The following POLK variants were observed in gnomAD, a reference collection of about 807,000 sequenced individuals.
The protein encoded by POLK is DNA polymerase kappa.
In POLK, 76 loss-of-function variants were observed where a neutral mutation model predicts 94.0. That is an observed-to-expected ratio of 0.81 (90% CI 0.67 to 0.98). The LOEUF (loss-of-function observed/expected upper bound fraction) is 0.98, where lower values mean the gene tolerates loss of function less well. Among genes scored for constraint, POLK ranks in the 50% least tolerant of loss-of-function variants. The pLI, the probability that POLK is intolerant of heterozygous loss-of-function variation, is 0.00. For synonymous variants in POLK, 349 were observed against 325.4 expected (o/e 1.07, Z -0.78); for missense variants, 954 against 1,010.1 (o/e 0.94, Z 0.75).
intron 3 of POLK, among the ~76,000 whole-genome samples, chr5:75,557,105 A>G (rs1234205956): frequency 2.0e-5 from 3 of 152,176 alleles, no homozygotes; most frequent in Non-Finnish European, 2.9e-5. Context: ...CATTTTATTG[A>G]GTCATTGCTC....
rs1772170382 is a variant in POLK, at chr5:75,581,105, A to C, written c.695-104A>C. The C allele has an allele frequency of 4.1e-6, 3 of 729,124 alleles. No homozygotes were observed. In the African/African-American group the frequency reaches 5.3e-5, roughly 13 times the overall value. 45.2% of individuals were successfully genotyped at this position (729,124 alleles called of 1,614,324 possible). ...TCTTGGATCCTAGAAACTAAACTAA[A>C]CTAGATTTTTGTTTTTGTCTTCAGA... On this transcript the variant is annotated intron_variant, in intron 6 of 14. Transcript: ENST00000241436.
At chr5:75,607,932 G>A in the POLK span, among the ~76,000 whole-genome samples, 9 of 152,284 alleles carry the variant, frequency 5.9e-5, no homozygotes, top group South Asian at 4.1e-4. Context: ...GGGAGAAATC[G>A]TCTGGTAGAG....
the POLK span, among the ~76,000 whole-genome samples, chr5:75,608,448 G>C: frequency 6.6e-6 from 1 of 152,080 alleles, no homozygotes; most frequent in Non-Finnish European, 1.5e-5. Flanking sequence ...TCCCACTTCG[G>C]CCTCTCAAAT....
At chr5:75,585,204 C>CT (rs1772402722) in intron 9 of POLK, among the ~76,000 whole-genome samples, 1 of 152,070 alleles carries the variant, frequency 6.6e-6, no homozygotes, top group Admixed American at 6.6e-5. Flanking sequence ...TGTTCAGAAC[C>CT]TAAGAGAAAT....
At position 75,536,692 on chromosome 5, in the gene POLK, C is replaced by T. The variant is rs555838796; in HGVS notation, c.-13-10318C>T. ...GCTGAGTTGCCATAGAAGCAGGACCCCTGGGCCGGAAGCTCTAGCATGTGT... is the reference window on the plus strand; with the variant it reads ...GCTGAGTTGCCATAGAAGCAGGACCTCTGGGCCGGAAGCTCTAGCATGTGT... On this transcript the variant is annotated intron_variant, in intron 1 of 14. Transcript: ENST00000241436. Among the ~76,000 whole-genome samples, 3 of 152,000 alleles carry T rather than the reference C, an allele frequency of 2.0e-5. No individual in the cohort carries two copies. In the South Asian group the frequency reaches 6.2e-4, roughly 32 times the overall value.
At chr5:75,587,097 A>T (rs371344287) in intron 10 of POLK, 39 bp downstream of exon 10, 2 of 1,156,506 alleles carry the variant, frequency 1.7e-6, no homozygotes, top group Non-Finnish European at 2.5e-6. Context: ...TGCATAATTC[A>T]TGTTATTTTA....
At chr5:75,531,801 A>G (rs1318703469) in intron 1 of POLK, among the ~76,000 whole-genome samples, 3 of 152,116 alleles carry the variant, frequency 2.0e-5, no homozygotes. Context: ...CAAAAAAAAA[A>G]ATAAGAAAGT....
chr5:75,543,251 G>T (rs1484528944), intron 1 of POLK, among the ~76,000 whole-genome samples: 1 of 150,242 alleles, frequency 6.7e-6, no homozygotes, highest in African/African-American at 2.5e-5. Flanking sequence ...TTTTGGCCAG[G>T]TTGGTCTCAA....
intron 3 of POLK, 25 bp downstream of exon 3, chr5:75,552,616 G>T: frequency 6.3e-7 from 1 of 1,577,040 alleles, no homozygotes; most frequent in African/African-American, 1.4e-5. Context: ...GTTAAATAAA[G>T]TGGAAGCTGG....
chr5:75,594,934 A>C (rs1772985638), intron 12 of POLK, among the ~76,000 whole-genome samples: 1 of 152,202 alleles, frequency 6.6e-6, no homozygotes, highest in Non-Finnish European at 1.5e-5. Flanking sequence ...GCACACACTG[A>C]AATCAACTGA....
At chr5:75,539,964 G>A (rs974763311) in intron 1 of POLK, among the ~76,000 whole-genome samples, 1 of 152,046 alleles carries the variant, frequency 6.6e-6, no homozygotes, top group Non-Finnish European at 1.5e-5. Flanking sequence ...ATTTGAACAG[G>A]GTTATGTTGC....
intron 12 of POLK, among the ~76,000 whole-genome samples, chr5:75,595,357 GATAA>G (rs1773023288): frequency 6.6e-6 from 1 of 151,234 alleles, no homozygotes; most frequent in Admixed American, 6.6e-5. Flanking sequence ...TACGTGAATG[GATAA>G]ATAAACTGTG....
intron 1 of POLK, among the ~76,000 whole-genome samples, chr5:75,534,338 C>T (rs1412586731): frequency 2.7e-5 from 4 of 150,384 alleles, no homozygotes; most frequent in African/African-American, 9.8e-5. Context: ...TGTCTGCAAA[C>T]AGGGATAGAC....
At chr5:75,560,317 C>G (rs9293655) in intron 3 of POLK, among the ~76,000 whole-genome samples, 2 of 151,942 alleles carry the variant, frequency 1.3e-5, no homozygotes, top group Non-Finnish European at 2.9e-5. Context: ...TAATTAAGCC[C>G]TTATTGTATC....
At chr5:75,530,245 C>CTTTTTT (rs575507126) in intron 1 of POLK, among the ~76,000 whole-genome samples, 229 of 95,842 alleles carry the variant, frequency 2.4e-3, no homozygotes, top group Non-Finnish European at 3.3e-3. Flanking sequence ...ATTTGTATTT[C>CTTTTTT]TTTTTTTTTT....
chr5:75,565,569 G>A lies in POLK; in HGVS notation c.256-3771G>A, dbSNP rs146488903. Reference sequence around the variant, plus strand: ...GGTAACCTTTGAATGGCGTTTTTGCGTGGTTATCCTCTTTGTTGATGTTGA... The same window carrying A: ...GGTAACCTTTGAATGGCGTTTTTGCATGGTTATCCTCTTTGTTGATGTTGA... On this transcript the variant is annotated intron_variant, in intron 3 of 14. Coordinates refer to ENST00000241436, the Ensembl canonical transcript of POLK. Among the ~76,000 whole-genome samples, 8 of 152,158 alleles carry A rather than the reference G, an allele frequency of 5.3e-5. No individual in the cohort carries two copies. In the South Asian group the frequency reaches 6.2e-4, roughly 12 times the overall value.
intron 8 of POLK, 135 bp from the exon 9 acceptor site, chr5:75,584,625 G>T: frequency 1.8e-6 from 1 of 553,584 alleles, no homozygotes. Flanking sequence ...GAGCCAACTT[G>T]GCACCACTGT....
chr5:75,533,525 C>T (rs1170716832), intron 1 of POLK, among the ~76,000 whole-genome samples: 9 of 152,176 alleles, frequency 5.9e-5, no homozygotes, highest in Non-Finnish European at 1.3e-4. Context: ...TGTGATGCCT[C>T]CAGCTTTGTT....
chr5:75,605,429 GA>G (rs374265357), downstream of POLK, among the ~76,000 whole-genome samples: 15 of 151,666 alleles, frequency 9.9e-5, no homozygotes, highest in South Asian at 3.1e-3. Flanking sequence ...AGACAAAAAG[GA>G]AAAAAAAGTT....
Sources: gnomAD v4.1 joint callset for allele counts (sites outside exome capture counted in the v4.1 genomes callset) on GRCh38, gnomAD v4.1.1 for gene constraint, MANE v1.5 for transcripts, NCBI Gene and HGNC (gene_info 2026-07-23, HGNC 2026-07-21) for gene names.